SCUBE3: variants seen among roughly 807,000 people sequenced by gnomAD.
SCUBE3 encodes signal peptide, CUB and EGF-like domain-containing protein 3.
Under a neutral mutation model 116.8 loss-of-function variants are expected in SCUBE3, and 33 were observed. The ratio of observed to expected loss-of-function variants is 0.28; its 90% CI spans 0.21 to 0.38. SCUBE3 has a LOEUF of 0.38. Ranked by LOEUF, SCUBE3 falls within the 10% of genes least tolerant of loss-of-function variation. The probability of loss-of-function intolerance (pLI) is 1.00; values close to 1 mark genes in which losing one functional copy is unlikely to be tolerated. For synonymous variants in SCUBE3, 418 were observed against 496.9 expected, an observed-to-expected ratio of 0.84 and a Z score of 2.11; for missense variants, 1,007 against 1,324.8, an observed-to-expected ratio of 0.76 and a Z score of 3.72.
In SCUBE3 at chr6:35,232,894, T is replaced by C; in HGVS notation, c.514T>C (p.Cys172Arg). 1 of 1,614,202 alleles carries C rather than the reference T, an allele frequency of 6.2e-7. No homozygotes were observed. Among genetic ancestry groups the C allele is most frequent in the Non-Finnish European group, 8.5e-7 (1 of 1,180,006 alleles). Residue 172 changes from cysteine to arginine, a missense_variant, in exon 5 of 22, where the codon TGC (cysteine) becomes CGC (arginine). Coordinates refer to ENST00000274938, the MANE Select transcript of SCUBE3 (RefSeq NM_152753.4). This position sits in a 1 kb window ranked among gnomAD's most constrained non-coding sequence, Gnocchi z 4.2. ...CAAGAACCACGGCTGTGCCCACATT[T>C]GCCGGGAGACACCCAAGGGGGGTAT... ...MNKNHGCAHI[C>R]RETPKGGIAC...
rs767002939 is a variant in SCUBE3, at chr6:35,243,543, G to A, written c.1910-51G>A. 1.3e-6 allele frequency: 2 copies of A among 1,497,092 alleles called. No homozygotes were observed. Among genetic ancestry groups the A allele is most frequent in the Non-Finnish European group, 9.0e-7 (1 of 1,111,964 alleles). The allele number at this position is 1,497,092 out of a possible 1,614,324, so 92.7% of individuals were successfully genotyped here. On this transcript the variant is annotated intron_variant, in intron 15 of 21. Coordinates refer to ENST00000274938, the MANE Select transcript of SCUBE3 (RefSeq NM_152753.4). The surrounding 1 kb of genome is among the most constrained non-coding windows in gnomAD (Gnocchi z 6.6). ...AGTGGGAAGGGGAGTCCCAGGCCTG[G>A]GTGGTGGGAAATGCGGGGGTGGGTG...
chr6:35,239,654 A>AT lies in SCUBE3; in HGVS notation c.830-93dup, dbSNP rs1405504191. The AT allele has an allele frequency of 1.7e-6, 2 of 1,174,314 alleles. No individual in the cohort carries two copies. The highest frequency in any genetic ancestry group is 2.5e-6 in the Non-Finnish European group (2 of 812,204). 72.7% of individuals were successfully genotyped at this position (1,174,314 alleles called of 1,614,324 possible). On this transcript the variant is annotated intron_variant, in intron 7 of 21. Transcript: ENST00000274938. The surrounding 1 kb of genome is among the most constrained non-coding windows in gnomAD (Gnocchi z 4.1). ...GAAGAGGCAGGCCCAGGACTCCTTG[A>AT]TTTTTGCATGTCTCTGTCAGTGAGG...
At position 35,229,317 on chromosome 6, in the gene SCUBE3, C is replaced by A. The variant is rs566889136; in HGVS notation, c.334+578C>A. ...TGTAGTCCCCAGCTACTTGGGAGCTCTTCCTTGGCTTGAGCCTAGGAAGTC... is the reference window on the plus strand; with the variant it reads ...TGTAGTCCCCAGCTACTTGGGAGCTATTCCTTGGCTTGAGCCTAGGAAGTC... On this transcript the variant is annotated intron_variant, in intron 3 of 21. Coordinates refer to ENST00000274938, the MANE Select transcript of SCUBE3 (RefSeq NM_152753.4). Among the ~76,000 whole-genome samples, 5 of 152,238 alleles carry A rather than the reference C, an allele frequency of 3.3e-5. No individual in the cohort carries two copies. The South Asian group carries it at 1.0e-3, about 32-fold the overall frequency.
Position 35,244,776 on chromosome 6 carries a change from A to G in SCUBE3, c.2366A>G (p.Asp789Gly). ...CSRCPGNTST[D>G]FDGSTSVAQC... ...CGCTGTCCAGGAAACACAAGCACAG[A>G]CTTTGATGGCTCTACCAGTGTGGCC... The change falls in exon 18 of 22, where the codon GAC (aspartate) becomes GGC (glycine). Residue 789 changes from aspartate to glycine, a missense_variant. By Grantham distance (94) the Asp-to-Gly change is moderately conservative (BLOSUM62 -1). Around this residue, in one of 5 missense-constraint regions of SCUBE3, gnomAD observed 544 missense variants for 638.9 expected, o/e 0.85. Coordinates refer to ENST00000274938, the MANE Select transcript of SCUBE3 (RefSeq NM_152753.4). The surrounding 1 kb of genome is among the most constrained non-coding windows in gnomAD (Gnocchi z 4.3). The G allele has an allele frequency of 6.2e-7, 1 of 1,614,224 alleles. No homozygotes were observed. Among genetic ancestry groups the G allele is most frequent in the Non-Finnish European group, 8.5e-7 (1 of 1,180,048 alleles).
At chr6:35,230,797 A>G (rs951615229) in intron 3 of SCUBE3, among the ~76,000 whole-genome samples, 2 of 152,238 alleles carry the variant, frequency 1.3e-5, no homozygotes, top group Non-Finnish European at 2.9e-5. Context: ...AGAGAGGGGC[A>G]GATGAAGCCC....
rs779213086 is a variant in SCUBE3, at chr6:35,228,686, G to A, written c.281G>A (p.Arg94Gln). ...TGTGTCAACATCCCTGGCAATTACC[G>A]GTGTACCTGCTATGATGGATTCCAC... The part of the protein sequence containing the change: ...HDCVNIPGNY[R>Q]CTCYDGFHLA... The change falls in exon 3 of 22, where the codon CGG becomes CAG. Residue 94 changes from arginine to glutamine, a missense_variant. This residue lies in a region of SCUBE3 where 37 missense variants were observed against 80.6 expected (regional missense o/e 0.46). Transcript: ENST00000274938. The surrounding 1 kb of genome is among the most constrained non-coding windows in gnomAD (Gnocchi z 4.9). 23 of 1,613,822 alleles carry A rather than the reference G, an allele frequency of 1.4e-5. No individual in the cohort carries two copies. The highest frequency in any genetic ancestry group is 3.3e-5 in the Admixed American group (2 of 60,004).
chr6:35,241,922 C>T lies in SCUBE3; in HGVS notation c.1417+12C>T. On this transcript the variant is annotated intron_variant, in intron 12 of 21. Coordinates refer to ENST00000274938, the MANE Select transcript of SCUBE3 (RefSeq NM_152753.4). This position sits in a 1 kb window ranked among gnomAD's most constrained non-coding sequence, Gnocchi z 4.1. ...CAACCACTGCCATGGTAAGCACCAG[C>T]CCAGAAGCCCTGTTCCCACCCTACT... is the stretch of plus-strand genomic sequence containing the variant. The T allele has an allele frequency of 6.4e-7, 1 of 1,559,014 alleles. No homozygotes were observed. The highest frequency in any genetic ancestry group is 1.7e-4 in the Middle Eastern group (1 of 5,970).
rs1298792310 is a variant in SCUBE3, at chr6:35,252,075, T to C, written c.*3370T>C. The C allele has an allele frequency of 1.3e-5, 2 of 152,308 alleles. No individual in the cohort carries two copies. Among genetic ancestry groups the C allele is most frequent in the African/African-American group, 4.8e-5 (2 of 41,470 alleles). 9.4% of individuals were successfully genotyped at this position (152,308 alleles called of 1,614,324 possible). ...CTCTGAGCCTGGAAATGGGAGGGCT[T>C]CACGCACCAAGTAATGCACACCAGA... On this transcript the variant is annotated 3_prime_UTR_variant, in exon 22 of 22. Coordinates refer to ENST00000274938, the MANE Select transcript of SCUBE3 (RefSeq NM_152753.4).
At position 35,235,625 on chromosome 6, in the gene SCUBE3, C is replaced by G. The variant is rs527236958; in HGVS notation, c.713-2277C>G. On this transcript the variant is annotated intron_variant, in intron 6 of 21. Coordinates refer to ENST00000274938, the MANE Select transcript of SCUBE3 (RefSeq NM_152753.4). This position sits in a 1 kb window ranked among gnomAD's most constrained non-coding sequence, Gnocchi z 4.5. ...GCCCCAACTTGCCAGCAGGGCTATC[C>G]TGGCAGCCAGGGCACTGGGCCCATT... 89 of 429,210 alleles carry G rather than the reference C, an allele frequency of 2.1e-4. No homozygotes were observed. The highest frequency in any genetic ancestry group is 1.7e-3 in the African/African-American group (83 of 48,952). 26.6% of individuals were successfully genotyped at this position (429,210 alleles called of 1,614,324 possible).
rs1331106523 is a variant in SCUBE3 at position 35,239,514 on chromosome 6, C to T, written c.830-238C>T. Among the ~76,000 whole-genome samples the T allele has an allele frequency of 6.6e-6, 1 of 152,126 alleles. No individual in the cohort carries two copies. The highest frequency in any genetic ancestry group is 6.5e-5 in the Admixed American group (1 of 15,278). On this transcript the variant is annotated intron_variant, in intron 7 of 21. Transcript: ENST00000274938. This position sits in a 1 kb window ranked among gnomAD's most constrained non-coding sequence, Gnocchi z 4.1. Reference sequence around the variant, plus strand: ...TTGTCCCCTTATAAGAACACTCAATCCCAGAAGAGAGGGTGTTACTAATGG... The same window carrying T: ...TTGTCCCCTTATAAGAACACTCAATTCCAGAAGAGAGGGTGTTACTAATGG...
Position 35,241,875 on chromosome 6 carries a change from A to C in SCUBE3, c.1382A>C (p.His461Pro), listed in dbSNP as rs981310553. 3 of 1,611,320 alleles carry C rather than the reference A, an allele frequency of 1.9e-6. No homozygotes were observed. The highest frequency in any genetic ancestry group is 2.5e-6 in the Non-Finnish European group (3 of 1,179,766). ...AGGGCTGCTCCAGCCCGAGCTGGCC[A>C]CAATGGGAACAGCACCAACTCCAAC... ...SPRAAPARAG[H>P]NGNSTNSNHC... is the part of the protein sequence containing the mutation. The change falls in exon 12 of 22, where the codon CAC becomes CCC. Residue 461 changes from histidine to proline, a missense_variant. Coordinates refer to ENST00000274938, the MANE Select transcript of SCUBE3 (RefSeq NM_152753.4). This position sits in a 1 kb window ranked among gnomAD's most constrained non-coding sequence, Gnocchi z 4.1.
In SCUBE3 at chr6:35,231,479, A is replaced by G. The variant is rs1581923388; in HGVS notation, c.335-246A>G. ...GTGAGGGAAAGGGAGGCATGGCTTCACCTAGGTGACATTTGAGGTTCAAAG... is the reference window on the plus strand; with the variant it reads ...GTGAGGGAAAGGGAGGCATGGCTTCGCCTAGGTGACATTTGAGGTTCAAAG... On this transcript the variant is annotated intron_variant, in intron 3 of 21. Transcript: ENST00000274938. This position sits in a 1 kb window ranked among gnomAD's most constrained non-coding sequence, Gnocchi z 4.2. 6.6e-6 allele frequency among the ~76,000 whole-genome samples: 1 copy of G among 152,244 alleles called. No homozygotes were observed. Among genetic ancestry groups the G allele is most frequent in the East Asian group, 1.9e-4 (1 of 5,176 alleles).
chr6:35,242,981 C>T, intron 14 of SCUBE3, 40 bp from the exon 15 acceptor site: 11 of 1,599,018 alleles, frequency 6.9e-6, no homozygotes, highest in Non-Finnish European at 9.4e-6. Context: ...CTCACAGCAA[C>T]TCTTTCTCCT....
rs760252330 is a variant in SCUBE3, at chr6:35,241,781, A to T, written c.1313-25A>T. Reference sequence around the variant, plus strand: ...AGCGGGGGTTGGGAAGGCAGGTCAGAACTGTGACAGGCTCCTTTTCTCAGA... The same window carrying T: ...AGCGGGGGTTGGGAAGGCAGGTCAGTACTGTGACAGGCTCCTTTTCTCAGA... On this transcript the variant is annotated intron_variant, in intron 11 of 21. Coordinates refer to ENST00000274938, the MANE Select transcript of SCUBE3 (RefSeq NM_152753.4). This position sits in a 1 kb window ranked among gnomAD's most constrained non-coding sequence, Gnocchi z 4.1. 4 of 1,592,300 alleles carry T rather than the reference A, an allele frequency of 2.5e-6. No homozygotes were observed. In the African/African-American group the frequency reaches 4.0e-5, roughly 16 times the overall value.
intron 21 of SCUBE3, among the ~76,000 whole-genome samples, chr6:35,246,563 G>A (rs1336843404): frequency 6.6e-6 from 1 of 152,198 alleles, no homozygotes; most frequent in East Asian, 1.9e-4. Flanking sequence ...AAGAGAAAGG[G>A]AAAGTGAGGA....
chr6:35,239,827 G>C lies in SCUBE3; in HGVS notation c.905G>C (p.Ser302Thr), dbSNP rs908447621. 6.2e-7 allele frequency: 1 copy of C among 1,611,486 alleles called. No homozygotes were observed. The highest frequency in any genetic ancestry group is 8.5e-7 in the Non-Finnish European group (1 of 1,179,172). ...AACACAGTGGGCAGCTTCGAATGCA[G>C]TTGCAAGAAAGGCTATAAGCTTCTC... ...CRNTVGSFEC[S>T]CKKGYKLLIN... Residue 302 changes from serine to threonine, a missense_variant, in exon 8 of 22, where the codon AGT becomes ACT. Around this residue, in one of 5 missense-constraint regions of SCUBE3, gnomAD observed 214 missense variants for 316.7 expected, o/e 0.68. Coordinates refer to ENST00000274938, the MANE Select transcript of SCUBE3 (RefSeq NM_152753.4). This position sits in a 1 kb window ranked among gnomAD's most constrained non-coding sequence, Gnocchi z 4.1.
chr6:35,220,627 G>C (rs1468151790), intron 1 of SCUBE3: 4 of 152,196 alleles, frequency 2.6e-5, no homozygotes, highest in African/African-American at 9.7e-5. Context: ...GATAAGGCAG[G>C]ACAACAGAGA....
rs574621132 is a variant in SCUBE3, at chr6:35,231,149, G to A, written c.335-576G>A. ...AATATGGCAGCAAGCCCAGGCACAG[G>A]GGGGAGGGGAGGAAGGACAGGGCTG... On this transcript the variant is annotated intron_variant, in intron 3 of 21. Coordinates refer to ENST00000274938, the MANE Select transcript of SCUBE3 (RefSeq NM_152753.4). This position sits in a 1 kb window ranked among gnomAD's most constrained non-coding sequence, Gnocchi z 4.2. Among the ~76,000 whole-genome samples the A allele has an allele frequency of 2.6e-5, 4 of 152,136 alleles. No individual in the cohort carries two copies. Among genetic ancestry groups the A allele is most frequent in the Non-Finnish European group, 5.9e-5 (4 of 68,006 alleles).
In SCUBE3 at chr6:35,241,043, A is replaced by T; in HGVS notation, c.1070-98A>T. On this transcript the variant is annotated intron_variant, in intron 9 of 21. Transcript: ENST00000274938. The surrounding 1 kb of genome is among the most constrained non-coding windows in gnomAD (Gnocchi z 4.1). ...TTATTCATCTTGCGTAATGCAGGGT[A>T]CCTGAAACTCTAACCAAAGGCCCTC... The T allele has an allele frequency of 8.7e-7, 1 of 1,150,548 alleles. No homozygotes were observed. The highest frequency in any genetic ancestry group is 2.1e-5 in the Admixed American group (1 of 47,246). 71.3% of individuals were successfully genotyped at this position (1,150,548 alleles called of 1,614,324 possible). A position where few individuals can be genotyped will look rare whatever the true frequency, so the allele number is the denominator to read the frequency against.
Sources: allele counts gnomAD v4.1 joint callset (sites outside exome capture counted in the v4.1 genomes callset), GRCh38; gene constraint gnomAD v4.1.1; regional missense constraint gnomAD v4.1.1; non-coding constraint Gnocchi (gnomAD v3.1); transcripts MANE v1.5; gene names NCBI Gene and HGNC (gene_info 2026-07-23, HGNC 2026-07-21).